CACNA1H: variants seen among roughly 807,000 people sequenced by gnomAD.
The protein encoded by CACNA1H is voltage-dependent T-type calcium channel subunit alpha-1H.
In CACNA1H, 149 loss-of-function variants were observed where a neutral mutation model predicts 192.5. That is an observed-to-expected ratio of 0.77 (90% CI 0.68 to 0.89). The LOEUF is 0.89. Among genes scored for constraint, CACNA1H ranks in the 40% least tolerant of loss-of-function variants. The pLI is 0.00. For missense variants in CACNA1H, 4,257 were observed against 3,423.5 expected, an observed-to-expected ratio of 1.24 and a Z score of -6.08; for synonymous variants, 2,202 against 1,475.2, an observed-to-expected ratio of 1.49 and a Z score of -11.29.
At chr16:1,194,466 C>A (rs1304277697) in intron 2 of CACNA1H, among the ~76,000 whole-genome samples, 1 of 152,190 alleles carries the variant, frequency 6.6e-6, no homozygotes, top group African/African-American at 2.4e-5. Context: ...GTTGTGCCAC[C>A]GTCCAGGCCT....
At chr16:1,188,632 C>T (rs925763245) in intron 2 of CACNA1H, among the ~76,000 whole-genome samples, 4 of 152,198 alleles carry the variant, frequency 2.6e-5, no homozygotes, top group Non-Finnish European at 5.9e-5. Context: ...GCCCAGGGGC[C>T]GGGAGAAAAC....
chr16:1,162,640 G>GGC lies in CACNA1H; in HGVS notation c.299+8605_299+8606insCG, dbSNP rs1555500493. On this transcript the variant is annotated intron_variant, in intron 2 of 34. Coordinates refer to ENST00000348261, the MANE Select transcript of CACNA1H (RefSeq NM_021098.3). ...GCCAGCTCCTGCGGACACCTGGAGTGGGGGGGGGGGGTCCATCCTAGGAGG... is the reference window on the plus strand; with the variant it reads ...GCCAGCTCCTGCGGACACCTGGAGTGGCGGGGGGGGGGGTCCATCCTAGGAGG... Among the ~76,000 whole-genome samples, 68 of 62,824 alleles carry GGC rather than the reference G, an allele frequency of 1.1e-3. 2 individuals carry two copies. The highest frequency in any genetic ancestry group is 4.5e-3 in the African/African-American group (62 of 13,896). The allele number at this position is 62,824 out of a possible 152,430, so 41.2% of individuals were successfully genotyped here. A position where few individuals can be genotyped will look rare whatever the true frequency, so the allele number is the denominator to read the frequency against.
intron 10 of CACNA1H, 27 bp downstream of exon 10, chr16:1,204,485 G>A: frequency 1.3e-6 from 2 of 1,507,532 alleles, no homozygotes; most frequent in South Asian, 1.3e-5. Flanking sequence ...CCACGGGGTG[G>A]GCTCCCTGTC....
At chr16:1,181,196 C>T (rs1965429563) in intron 2 of CACNA1H, among the ~76,000 whole-genome samples, 1 of 152,254 alleles carries the variant, frequency 6.6e-6, no homozygotes. Flanking sequence ...ACGCCTTTCC[C>T]TTCCAAGCCT....
At chr16:1,169,318 G>T (rs1964125348) in intron 2 of CACNA1H, among the ~76,000 whole-genome samples, 1 of 152,188 alleles carries the variant, frequency 6.6e-6, no homozygotes, top group Non-Finnish European at 1.5e-5. Flanking sequence ...TGAAGGGCTG[G>T]CATCAGATGA....
At chr16:1,153,692 GC>G in intron 1 of CACNA1H, 27 bp from the exon 2 acceptor site, 1 of 1,179,356 alleles carries the variant, frequency 8.5e-7, no homozygotes, top group Non-Finnish European at 1.0e-6. Flanking sequence ...GTCGCCACCG[GC>G]CCCGGGTCAC....
rs1002262167 is a variant in CACNA1H, at chr16:1,216,983, C to T, written c.5296C>T (p.Leu1766=). Residue 1766 remains leucine, a synonymous_variant, in exon 31 of 35, where the codon CTG becomes TTG. Coordinates refer to ENST00000348261, the MANE Select transcript of CACNA1H (RefSeq NM_021098.3). ...GCTCCTGTTTTTTATCTATGCTGCG[C>T]TGGGAGTGGAGCTGTTCGGGAGGCT... is the stretch of plus-strand genomic sequence containing the variant. The part of the protein sequence containing the change: ...FMLLFFIYAA[L]GVELFGRLEC... The T allele has an allele frequency of 2.7e-5, 43 of 1,600,868 alleles. No individual in the cohort carries two copies. Among genetic ancestry groups the T allele is most frequent in the Non-Finnish European group, 3.5e-5 (41 of 1,174,012 alleles).
Position 1,220,831 on chromosome 16 carries a change from T to C in CACNA1H, c.6899T>C (p.Ile2300Thr), listed in dbSNP as rs774338957. ...TCCAGAGCTTCCTCTTCAGGGGCCA[T>C]AGTGCCCCTGGAACCCCCAGAATCA... is the stretch of plus-strand genomic sequence containing the variant. ...PESRASSSGA[I>T]VPLEPPESEP... The change falls in exon 35 of 35, where the codon ATA (isoleucine) becomes ACA (threonine). Residue 2300 changes from isoleucine (I) to threonine (T), a missense_variant. Transcript: ENST00000348261. 5.6e-6 allele frequency: 9 copies of C among 1,612,528 alleles called. No individual in the cohort carries two copies. The highest frequency in any genetic ancestry group is 7.6e-6 in the Non-Finnish European group (9 of 1,179,748).
intron 12 of CACNA1H, 174 bp downstream of exon 12, chr16:1,206,463 T>C (rs552306155): frequency 1.1e-5 from 7 of 625,150 alleles, no homozygotes; most frequent in African/African-American, 1.8e-5. Context: ...GGGCCCCTAC[T>C]GTGTGCCACG....
intron 2 of CACNA1H, among the ~76,000 whole-genome samples, chr16:1,161,480 G>C (rs1048350805): frequency 2.6e-5 from 4 of 152,204 alleles, no homozygotes; most frequent in Non-Finnish European, 4.4e-5. Flanking sequence ...TTTTGGGCAA[G>C]GTGGTCTTTA....
At chr16:1,194,313 C>T (rs1250372519) in intron 2 of CACNA1H, among the ~76,000 whole-genome samples, 1 of 152,190 alleles carries the variant, frequency 6.6e-6, no homozygotes, top group Non-Finnish European at 1.5e-5. Context: ...TTGGTGCTTT[C>T]CAAATGCCGG....
At chr16:1,200,594 G>A (rs775878707) in intron 7 of CACNA1H, 23 bp downstream of exon 7, 31 of 1,609,288 alleles carry the variant, frequency 1.9e-5, no homozygotes, top group South Asian at 4.4e-5. Flanking sequence ...ATGGTGGGAC[G>A]GGGACCCTGG....
At chr16:1,187,262 G>T (rs754857911) in intron 2 of CACNA1H, among the ~76,000 whole-genome samples, 1 of 152,236 alleles carries the variant, frequency 6.6e-6, no homozygotes, top group East Asian at 1.9e-4. Flanking sequence ...GGGAGGGAGC[G>T]GCCTCAGCCT....
At chr16:1,175,950 C>T (rs1383481270) in intron 2 of CACNA1H, among the ~76,000 whole-genome samples, 1 of 152,140 alleles carries the variant, frequency 6.6e-6, no homozygotes, top group East Asian at 1.9e-4. Flanking sequence ...ACCCCAGTTC[C>T]TCCGTCTGGA....
intron 9 of CACNA1H, among the ~76,000 whole-genome samples, chr16:1,203,806 T>G (rs1596417538): frequency 6.6e-6 from 1 of 152,200 alleles, no homozygotes; most frequent in East Asian, 1.9e-4. Flanking sequence ...TACTCCGGGA[T>G]AGCTTCATTC....
Position 1,200,409 on chromosome 16 carries a change from G to C in CACNA1H, c.957G>C (p.Trp319Cys). ...RELRMPCTLG[W>C]EAYTQPQAEG... Reference sequence around the variant, plus strand: ...TGCGCATGCCCTGCACCCTGGGCTGGGAGGCCTACACGCAGCCGCAGGCCG... The same window carrying C: ...TGCGCATGCCCTGCACCCTGGGCTGCGAGGCCTACACGCAGCCGCAGGCCG... The change falls in exon 7 of 35, where the codon TGG becomes TGC. Residue 319 changes from tryptophan (W) to cysteine (C), a missense_variant. Transcript: ENST00000348261. The C allele has an allele frequency of 6.2e-7, 1 of 1,608,414 alleles. No homozygotes were observed. The highest frequency in any genetic ancestry group is 8.5e-7 in the Non-Finnish European group (1 of 1,178,688).
chr16:1,215,142 C>T, intron 28 of CACNA1H, 61 bp downstream of exon 28: 1 of 1,581,472 alleles, frequency 6.3e-7, no homozygotes. Context: ...GGGCTGGGGG[C>T]AGGTGAGGCC....
chr16:1,218,751 C>A, intron 33 of CACNA1H, 100 bp downstream of exon 33: 1 of 1,237,430 alleles, frequency 8.1e-7, no homozygotes, highest in Non-Finnish European at 1.1e-6. Context: ...CAGAGCAGGG[C>A]AAGAGGAAGG....
intron 12 of CACNA1H, chr16:1,206,494 A>G: frequency 5.1e-6 from 3 of 583,482 alleles, no homozygotes; most frequent in Non-Finnish European, 9.0e-6. Context: ...GCAGGGAGTC[A>G]GATGGCAGGG....
Sources: gnomAD v4.1 joint callset for allele counts (sites outside exome capture counted in the v4.1 genomes callset) on GRCh38, gnomAD v4.1.1 for gene constraint, MANE v1.5 for transcripts, NCBI Gene and HGNC (gene_info 2026-07-23, HGNC 2026-07-21) for gene names.